The following SLC9A9 variants were observed in gnomAD, a reference collection of about 807,000 sequenced individuals.
SLC9A9 encodes sodium/hydrogen exchanger 9.
Under a neutral mutation model 77.8 loss-of-function variants are expected in SLC9A9, and 62 were observed. That is an observed-to-expected ratio of 0.80 (90% confidence interval 0.65 to 0.98). SLC9A9 has a LOEUF of 0.98. SLC9A9 is among the 50% of genes least tolerant of loss of function. The pLI is 0.00. For missense variants in SLC9A9, 775 were observed against 774.9 expected (o/e 1.00, Z 0.00); for synonymous variants, 320 against 283.5 (o/e 1.13, Z -1.29).
chr3:143,484,931 T>C (rs2035633100), intron 11 of SLC9A9, among the ~76,000 whole-genome samples: 1 of 152,240 alleles, frequency 6.6e-6, no homozygotes, highest in South Asian at 2.1e-4. Context: ...TTTGTTTCCC[T>C]ACCTAGACAA....
intron 6 of SLC9A9, among the ~76,000 whole-genome samples, chr3:143,650,127 GC>G (rs1162461230): frequency 2.0e-5 from 3 of 152,190 alleles, no homozygotes; most frequent in Non-Finnish European, 4.4e-5. Flanking sequence ...GGAGGAGTGA[GC>G]TTTGTTCAAA....
intron 6 of SLC9A9, among the ~76,000 whole-genome samples, chr3:143,587,180 C>A (rs753185175): frequency 1.3e-5 from 2 of 152,200 alleles, no homozygotes; most frequent in Non-Finnish European, 2.9e-5. Context: ...TTGATTCATT[C>A]CATCCACAAA....
chr3:143,488,701 A>C (rs73146729), intron 11 of SLC9A9, among the ~76,000 whole-genome samples: 3,514 of 151,940 alleles, frequency 0.023, 64 homozygotes, highest in Non-Finnish European at 0.035. Flanking sequence ...TTAACATTTC[A>C]TGATAAAAAA....
intron 12 of SLC9A9, among the ~76,000 whole-genome samples, chr3:143,415,506 G>C (rs1318508336): frequency 6.6e-6 from 1 of 152,138 alleles, no homozygotes; most frequent in Non-Finnish European, 1.5e-5. Flanking sequence ...CTCTGCCTAT[G>C]TTATATAAAT....
intron 6 of SLC9A9, among the ~76,000 whole-genome samples, chr3:143,619,327 G>A (rs1466422845): frequency 1.3e-5 from 2 of 152,222 alleles, no homozygotes; most frequent in African/African-American, 2.4e-5. Flanking sequence ...GTGTAAGGGA[G>A]AATAAAGAAA....
intron 5 of SLC9A9, among the ~76,000 whole-genome samples, chr3:143,689,327 T>C (rs891709791): frequency 6.6e-6 from 1 of 152,190 alleles, no homozygotes; most frequent in South Asian, 2.1e-4. Flanking sequence ...AGAACCCAAA[T>C]TTCTATCAAT....
chr3:143,415,730 A>C (rs1466433949), intron 12 of SLC9A9, among the ~76,000 whole-genome samples: 4 of 152,248 alleles, frequency 2.6e-5, no homozygotes, highest in African/African-American at 9.6e-5. Flanking sequence ...GAATTAAGGA[A>C]TAATTTCAAC....
chr3:143,475,609 G>A (rs924395383), intron 11 of SLC9A9, among the ~76,000 whole-genome samples: 61 of 152,056 alleles, frequency 4.0e-4, no homozygotes, highest in African/African-American at 7.2e-4. Context: ...TGGCTAACAC[G>A]GTGAAACCCC....
chr3:143,633,705 A>C (rs552966842), intron 6 of SLC9A9, among the ~76,000 whole-genome samples: 39 of 152,220 alleles, frequency 2.6e-4, no homozygotes, highest in Non-Finnish European at 5.0e-4. Context: ...AACATTGAAC[A>C]TATCTATAGC....
intron 9 of SLC9A9, among the ~76,000 whole-genome samples, chr3:143,526,458 T>C (rs962376293): frequency 6.6e-6 from 1 of 152,164 alleles, no homozygotes; most frequent in Non-Finnish European, 1.5e-5. Flanking sequence ...TCCAAGCTAA[T>C]ATACTTACTT....
At chr3:143,531,630 G>T (rs1370313966) in intron 9 of SLC9A9, among the ~76,000 whole-genome samples, 2 of 152,136 alleles carry the variant, frequency 1.3e-5, no homozygotes, top group African/African-American at 4.8e-5. Context: ...TAAATTAAGA[G>T]AAACATTAGG....
intron 13 of SLC9A9, among the ~76,000 whole-genome samples, chr3:143,375,210 GA>G (rs1313745438): frequency 6.6e-6 from 1 of 152,204 alleles, no homozygotes; most frequent in African/African-American, 2.4e-5. Flanking sequence ...TCAAAAGTCT[GA>G]AATTGTACAG....
At chr3:143,585,199 T>C (rs2037521650) in intron 6 of SLC9A9, among the ~76,000 whole-genome samples, 2 of 152,264 alleles carry the variant, frequency 1.3e-5, no homozygotes, top group Non-Finnish European at 2.9e-5. Context: ...CTTGGGCAGC[T>C]CAGTGCCTGT....
chr3:143,420,933 T>C (rs905892792), intron 12 of SLC9A9, among the ~76,000 whole-genome samples: 3 of 152,088 alleles, frequency 2.0e-5, no homozygotes, highest in African/African-American at 7.2e-5. Context: ...ACAATTTTGG[T>C]AAAGTTTCAG....
intron 14 of SLC9A9, among the ~76,000 whole-genome samples, chr3:143,288,267 AAAAAC>A (rs1247658707): frequency 1.8e-4 from 28 of 152,032 alleles, no homozygotes; most frequent in Admixed American, 9.2e-4. Flanking sequence ...TATTAAAAAA[AAAAAC>A]AAAACAAAAC....
chr3:143,283,545 G>T lies in SLC9A9; in HGVS notation c.1605-14565C>A, dbSNP rs912749184. On this transcript the variant is annotated intron_variant, in intron 14 of 15. Transcript: ENST00000316549. ...GGTATCACAGATAACTGGCTCCTCA[G>T]GCATATCTGTGAGTCTCTCCTGCAA... Among the ~76,000 whole-genome samples, 52 of 152,194 alleles carry T rather than the reference G, an allele frequency of 3.4e-4. 2 individuals carry two copies. The highest frequency in any genetic ancestry group is 1.0e-4 in the Non-Finnish European group (7 of 68,034).
chr3:143,330,016 C>T (rs2031719503), intron 14 of SLC9A9, among the ~76,000 whole-genome samples: 1 of 152,150 alleles, frequency 6.6e-6, no homozygotes, highest in African/African-American at 2.4e-5. Flanking sequence ...AAAATGCTGG[C>T]GGCGCTATTC....
intron 9 of SLC9A9, among the ~76,000 whole-genome samples, chr3:143,512,093 T>C (rs2036125443): frequency 1.3e-5 from 2 of 152,236 alleles, no homozygotes; most frequent in South Asian, 4.1e-4. Context: ...TGTTTGTCAC[T>C]GAACCTCAAC....
chr3:143,486,415 T>G lies in SLC9A9; in HGVS notation c.1315+7238A>C, dbSNP rs552424994. ...TCCATGGACAATTAAAAAGCTAGTA[T>G]TATTGCATGGTTTGTAACTTCACTT... On this transcript the variant is annotated intron_variant, in intron 11 of 15. Coordinates refer to ENST00000316549, the MANE Select transcript of SLC9A9 (RefSeq NM_173653.4). Among the ~76,000 whole-genome samples the G allele has an allele frequency of 2.6e-5, 4 of 152,222 alleles. No individual in the cohort carries two copies. In the South Asian group the frequency reaches 8.4e-4, roughly 32 times the overall value.
Sources: allele counts gnomAD v4.1 joint callset (sites outside exome capture counted in the v4.1 genomes callset), GRCh38; gene constraint gnomAD v4.1.1; transcripts MANE v1.5; gene names NCBI Gene and HGNC (gene_info 2026-07-23, HGNC 2026-07-21).